Variants in SCP2 observed in about 807,000 individuals in gnomAD.
SCP2 encodes sterol carrier protein 2.
Under a neutral mutation model 71.4 loss-of-function variants are expected in SCP2, and 48 were observed. The ratio of observed to expected loss-of-function variants is 0.67; its 90% CI spans 0.53 to 0.86. SCP2 has a LOEUF of 0.86. Ranked by LOEUF, SCP2 falls within the 40% of genes least tolerant of loss-of-function variation. SCP2 has a pLI of 0.00. For synonymous variants in SCP2, 220 were observed against 218.1 expected, an observed-to-expected ratio of 1.01 and a Z score of -0.08; for missense variants, 560 against 655.6, an observed-to-expected ratio of 0.85 and a Z score of 1.59.
intron 1 of SCP2, among the ~76,000 whole-genome samples, chr1:52,934,287 A>G (rs1249632884): frequency 6.6e-6 from 1 of 152,144 alleles, no homozygotes; most frequent in Non-Finnish European, 1.5e-5. Context: ...GAAAACTTGT[A>G]TCTGCTTCAT....
At chr1:53,001,823 T>G (rs1311736001) in intron 11 of SCP2, among the ~76,000 whole-genome samples, 1 of 152,194 alleles carries the variant, frequency 6.6e-6, no homozygotes, top group Non-Finnish European at 1.5e-5. Context: ...CTATACTTTC[T>G]CAGTACTTTT....
At chr1:53,037,917 C>CACACACAT (rs1663100903) in intron 13 of SCP2, among the ~76,000 whole-genome samples, 1,379 of 117,310 alleles carry the variant, frequency 0.012, 55 homozygotes, top group African/African-American at 0.053. Flanking sequence ...CACACACACA[C>CACACACAT]ACACACACAC....
intron 7 of SCP2, 92 bp downstream of exon 7, chr1:52,974,924 T>C (rs1045960122): frequency 2.7e-6 from 2 of 753,002 alleles, no homozygotes; most frequent in African/African-American, 3.5e-5. Flanking sequence ...TGCCAAGATC[T>C]CAAATATTTT....
intron 5 of SCP2, among the ~76,000 whole-genome samples, chr1:52,957,118 C>T (rs985378917): frequency 6.6e-6 from 1 of 152,154 alleles, no homozygotes; most frequent in Admixed American, 6.6e-5. Context: ...CCATATTGGC[C>T]AGGCTGGTCT....
intron 3 of SCP2, 28 bp downstream of exon 3, chr1:52,948,108 T>A (rs1256774169): frequency 6.9e-7 from 1 of 1,442,800 alleles, no homozygotes; most frequent in Non-Finnish European, 9.8e-7. Flanking sequence ...TATTCTAAAA[T>A]TTTTTTACCT....
chr1:52,940,655 C>T (rs1176873109), intron 1 of SCP2, among the ~76,000 whole-genome samples: 1 of 152,190 alleles, frequency 6.6e-6, no homozygotes, highest in Non-Finnish European at 1.5e-5. Flanking sequence ...ATGTGAAATG[C>T]TTAACACAAT....
rs1557598899 is a variant in SCP2, at chr1:52,999,812, C to CTTTTTTTTTTT, written c.1081+11678_1081+11679insTTTTTTTTTTT. ...TATACTATCCAACACTTACTGAACA[C>CTTTTTTTTTTT]TTGTTTTTTTTTTTTTTTTTTTGAG... On this transcript the variant is annotated intron_variant, in intron 11 of 15. Transcript: ENST00000371514. 6.0e-4 allele frequency among the ~76,000 whole-genome samples: 72 copies of CTTTTTTTTTTT among 119,842 alleles called. 1 individual carries two copies. Among genetic ancestry groups the CTTTTTTTTTTT allele is most frequent in the Non-Finnish European group, 8.1e-4 (50 of 61,448 alleles). 78.6% of individuals were successfully genotyped at this position (119,842 alleles called of 152,430 possible). A position where few individuals can be genotyped will look rare whatever the true frequency, so the allele number is the denominator to read the frequency against.
chr1:52,933,898 T>C (rs1002695199), intron 1 of SCP2, among the ~76,000 whole-genome samples: 1 of 152,234 alleles, frequency 6.6e-6, no homozygotes, highest in African/African-American at 2.4e-5. Context: ...GTAACACTGT[T>C]GGCATCTTAG....
intron 11 of SCP2, among the ~76,000 whole-genome samples, chr1:53,013,263 G>GT (rs35472315): frequency 0.3 from 44,789 of 151,126 alleles, 8,594 homozygotes; most frequent in Non-Finnish European, 0.43. Flanking sequence ...CTACAGACAT[G>GT]TGTCCCCATG....
chr1:53,009,821 A>G (rs1660871806), intron 11 of SCP2, among the ~76,000 whole-genome samples: 1 of 152,204 alleles, frequency 6.6e-6, no homozygotes, highest in African/African-American at 2.4e-5. Context: ...AAAAGAAACT[A>G]CCATCAGAGT....
At chr1:52,955,598 A>G (rs1218719411) in intron 5 of SCP2, among the ~76,000 whole-genome samples, 2 of 152,206 alleles carry the variant, frequency 1.3e-5, no homozygotes, top group Non-Finnish European at 2.9e-5. Context: ...CTCATGTGGG[A>G]TCACTGCCAA....
chr1:53,037,483 A>G (rs1426520420), intron 13 of SCP2, among the ~76,000 whole-genome samples: 1 of 151,864 alleles, frequency 6.6e-6, no homozygotes, highest in African/African-American at 2.4e-5. Flanking sequence ...ATTTGGCTCA[A>G]TAAATGCTTC....
In SCP2 at chr1:53,050,864, T is replaced by C; in HGVS notation, c.*160T>C. ...GACCAATCCTGTTTTTCCTATGCTCTGGGTGAATAGAGCCTGATGGTATAC... is the reference window on the plus strand; with the variant it reads ...GACCAATCCTGTTTTTCCTATGCTCCGGGTGAATAGAGCCTGATGGTATAC... On this transcript the variant is annotated 3_prime_UTR_variant, in exon 16 of 16. Transcript: ENST00000371514. The C allele has an allele frequency of 3.2e-6, 2 of 618,258 alleles. No homozygotes were observed. The highest frequency in any genetic ancestry group is 5.8e-6 in the Non-Finnish European group (2 of 343,616). 38.3% of individuals were successfully genotyped at this position (618,258 alleles called of 1,614,324 possible).
chr1:52,987,006 A>ATATATATATATTTTT (rs1386745740), intron 10 of SCP2, among the ~76,000 whole-genome samples: 1 of 110,506 alleles, frequency 9.0e-6, no homozygotes, highest in African/African-American at 4.0e-5. Context: ...ATATATATAT[A>ATATATATATATTTTT]TTTTTTTTTT....
At chr1:53,040,421 T>G (rs1350085768) in intron 14 of SCP2, among the ~76,000 whole-genome samples, 1 of 152,224 alleles carries the variant, frequency 6.6e-6, no homozygotes, top group East Asian at 1.9e-4. Flanking sequence ...TGTCCGGAAT[T>G]ACCTTCTCCC....
At chr1:52,976,192 A>T (rs1388879205) in intron 7 of SCP2, among the ~76,000 whole-genome samples, 1 of 152,108 alleles carries the variant, frequency 6.6e-6, no homozygotes, top group African/African-American at 2.4e-5. Flanking sequence ...GCCCCGCTGA[A>T]CACCATGTCC....
chr1:52,976,197 A>G (rs577625751), intron 7 of SCP2, among the ~76,000 whole-genome samples: 55 of 152,218 alleles, frequency 3.6e-4, no homozygotes, highest in African/African-American at 1.3e-3. Flanking sequence ...GCTGAACACC[A>G]TGTCCAGATT....
chr1:53,046,061 G>A (rs773409616), intron 14 of SCP2, among the ~76,000 whole-genome samples: 12 of 152,248 alleles, frequency 7.9e-5, no homozygotes, highest in Non-Finnish European at 2.9e-5. Flanking sequence ...ACCAGTTGAT[G>A]CACATTTGGG....
intron 11 of SCP2, among the ~76,000 whole-genome samples, chr1:52,992,791 A>T (rs1659613364): frequency 1.3e-5 from 2 of 152,192 alleles, no homozygotes; most frequent in African/African-American, 4.8e-5. Flanking sequence ...AATTCACATT[A>T]AAAAAACCCT....
Sources: allele counts gnomAD v4.1 joint callset (sites outside exome capture counted in the v4.1 genomes callset), GRCh38; gene constraint gnomAD v4.1.1; transcripts MANE v1.5; gene names NCBI Gene and HGNC (gene_info 2026-07-23, HGNC 2026-07-21).